Variants in GAD1 observed in about 807,000 individuals in gnomAD.
GAD1 encodes 67 kDa glutamic acid decarboxylase.
A neutral mutation model predicts 75.2 loss-of-function variants in GAD1; 35 were observed. The observed-to-expected ratio is 0.47, with a 90% CI of 0.36 to 0.62. The LOEUF (loss-of-function observed/expected upper bound fraction) is 0.62, where lower values mean the gene tolerates loss of function less well. Ranked by LOEUF, GAD1 falls within the 20% of genes least tolerant of loss-of-function variation. The probability of loss-of-function intolerance (pLI) is 0.00; values close to 1 mark genes in which losing one functional copy is unlikely to be tolerated. For missense variants in GAD1, 490 were observed against 758.5 expected, an observed-to-expected ratio of 0.65 and a Z score of 4.16; for synonymous variants, 257 against 271.9, an observed-to-expected ratio of 0.95 and a Z score of 0.54.
chr2:170,826,338 A>G (rs1196579706), intron 3 of GAD1, among the ~76,000 whole-genome samples: 1 of 151,998 alleles, frequency 6.6e-6, no homozygotes, highest in East Asian at 1.9e-4. Context: ...AGGCCGAGAC[A>G]GGTGGATCAC....
intron 14 of GAD1, among the ~76,000 whole-genome samples, chr2:170,854,388 C>A (rs1208249890): frequency 2.0e-5 from 3 of 150,470 alleles, no homozygotes; most frequent in Non-Finnish European, 4.4e-5. Context: ...CTGAGTAGAA[C>A]CTTGAATTCT....
chr2:170,833,642 C>T (rs571785921), intron 5 of GAD1, among the ~76,000 whole-genome samples: 1 of 152,276 alleles, frequency 6.6e-6, no homozygotes, highest in South Asian at 2.1e-4. Flanking sequence ...CGTTGTCCCT[C>T]AAATAAAAAT....
intron 3 of GAD1, among the ~76,000 whole-genome samples, chr2:170,822,610 C>G (rs1559268281): frequency 6.6e-6 from 1 of 152,252 alleles, no homozygotes; most frequent in African/African-American, 2.4e-5. Flanking sequence ...GACACGTCTC[C>G]CCCATCCCCT....
chr2:170,819,710 A>T (rs569389529), intron 2 of GAD1, among the ~76,000 whole-genome samples: 1 of 151,706 alleles, frequency 6.6e-6, no homozygotes, highest in Admixed American at 6.6e-5. Flanking sequence ...TATTTCTGAG[A>T]TGTAATTAAT....
intron 15 of GAD1, 102 bp from the exon 16 acceptor site, chr2:170,858,699 TTTC>T: frequency 1.0e-6 from 1 of 965,172 alleles, no homozygotes; most frequent in Non-Finnish European, 1.6e-6. Context: ...ATTCAACCTC[TTTC>T]TTTGGTCCAA....
chr2:170,837,828 C>T (rs985910257), intron 6 of GAD1, among the ~76,000 whole-genome samples: 1 of 151,970 alleles, frequency 6.6e-6, no homozygotes, highest in African/African-American at 2.4e-5. Flanking sequence ...AAGTAGATTC[C>T]AAAAAATGAA....
intron 6 of GAD1, among the ~76,000 whole-genome samples, chr2:170,843,179 C>G (rs137939075): frequency 6.6e-6 from 1 of 152,252 alleles, no homozygotes; most frequent in Middle Eastern, 3.4e-3. Context: ...TTCTTAGGCC[C>G]CACGTTTGGT....
chr2:170,824,420 C>CACA (rs1559269631), intron 3 of GAD1, among the ~76,000 whole-genome samples: 2 of 141,318 alleles, frequency 1.4e-5, no homozygotes, highest in Non-Finnish European at 3.1e-5. Context: ...CACACACACA[C>CACA]CCCTCCCTTC....
intron 6 of GAD1, chr2:170,842,577 AC>A: frequency 6.2e-7 from 1 of 1,613,948 alleles, no homozygotes; most frequent in South Asian, 1.1e-5. Context: ...AGGCCATCAG[AC>A]ATGAGGGAGT....
chr2:170,813,945 T>C (rs1003557488), upstream of GAD1, among the ~76,000 whole-genome samples: 1 of 152,026 alleles, frequency 6.6e-6, no homozygotes, highest in African/African-American at 2.4e-5. Context: ...GAGCGCCGCG[T>C]TCCCATTTCT....
chr2:170,838,040 C>T (rs1359822306), intron 6 of GAD1, among the ~76,000 whole-genome samples: 4 of 152,176 alleles, frequency 2.6e-5, no homozygotes, highest in Admixed American at 6.5e-5. Context: ...TAACTATATT[C>T]AGAAAAGTTT....
chr2:170,859,332 A>T (rs1432292439), intron 16 of GAD1, among the ~76,000 whole-genome samples: 1 of 152,196 alleles, frequency 6.6e-6, no homozygotes, highest in Non-Finnish European at 1.5e-5. Context: ...TTTATATAAC[A>T]TTTCATTCAT....
intron 6 of GAD1, among the ~76,000 whole-genome samples, chr2:170,837,742 T>C (rs1702411992): frequency 6.6e-6 from 1 of 152,174 alleles, no homozygotes; most frequent in African/African-American, 2.4e-5. Context: ...TAAAAACAAC[T>C]ATATAAGAAT....
At chr2:170,845,467 A>G (rs368994782) in intron 7 of GAD1, 39 bp from the exon 8 acceptor site, 5 of 1,558,770 alleles carry the variant, frequency 3.2e-6, no homozygotes, top group Non-Finnish European at 4.4e-6. Context: ...CAATAATCAA[A>G]GAGCCCCAAC....
At chr2:170,851,391 A>G (rs1382546374) in intron 12 of GAD1, among the ~76,000 whole-genome samples, 3 of 152,242 alleles carry the variant, frequency 2.0e-5, no homozygotes, top group Non-Finnish European at 4.4e-5. Flanking sequence ...TAGTGAGCTA[A>G]GCACTTAGTT....
At chr2:170,820,393 A>T (rs896854552) in intron 2 of GAD1, among the ~76,000 whole-genome samples, 2 of 152,232 alleles carry the variant, frequency 1.3e-5, no homozygotes, top group African/African-American at 4.8e-5. Context: ...AGCAAGCAGC[A>T]CGTGTCCCAG....
intron 4 of GAD1, among the ~76,000 whole-genome samples, chr2:170,830,146 A>T (rs1303776877): frequency 1.3e-5 from 2 of 152,196 alleles, no homozygotes; most frequent in Non-Finnish European, 2.9e-5. Flanking sequence ...GCTCATAGGT[A>T]GATCCGCTTC....
At chr2:170,833,423 T>A (rs1280319981) in intron 5 of GAD1, among the ~76,000 whole-genome samples, 1 of 152,254 alleles carries the variant, frequency 6.6e-6, no homozygotes, top group African/African-American at 2.4e-5. Context: ...TTACATTTAG[T>A]TACTTCTCAT....
intron 9 of GAD1, 48 bp downstream of exon 9, chr2:170,845,833 T>C: frequency 6.4e-7 from 1 of 1,573,532 alleles, no homozygotes; most frequent in South Asian, 1.1e-5. Context: ...TTAAATGTGT[T>C]CATCTGTTAA....
Sources: gnomAD v4.1 joint callset for allele counts (sites outside exome capture counted in the v4.1 genomes callset) on GRCh38, gnomAD v4.1.1 for gene constraint, MANE v1.5 for transcripts, NCBI Gene and HGNC (gene_info 2026-07-23, HGNC 2026-07-21) for gene names.